ASTN2: variants seen among roughly 807,000 people sequenced by gnomAD.
ASTN2 encodes astrotactin 2, also known as astrotactin-2.
A neutral mutation model predicts 139.8 loss-of-function variants in ASTN2; 54 were observed. That is an observed-to-expected ratio of 0.39 (90% CI 0.31 to 0.48). The LOEUF is 0.48. Among genes scored for constraint, ASTN2 ranks in the 20% least tolerant of loss-of-function variants. The probability of loss-of-function intolerance (pLI) is 0.95; values close to 1 mark genes in which losing one functional copy is unlikely to be tolerated. For synonymous variants in ASTN2, 756 were observed against 719.5 expected, an observed-to-expected ratio of 1.05 and a Z score of -0.81; for missense variants, 1,565 against 1,725.1, an observed-to-expected ratio of 0.91 and a Z score of 1.64.
At chr9:116,618,542 G>T in intron 18 of ASTN2, 70 bp from the exon 19 acceptor site, 1 of 1,494,932 alleles carries the variant, frequency 6.7e-7, no homozygotes, top group Non-Finnish European at 9.0e-7. Flanking sequence ...GAATCCGCAT[G>T]TGTCAAGATG....
chr9:116,743,113 T>G (rs1829137794), intron 13 of ASTN2, among the ~76,000 whole-genome samples: 1 of 151,988 alleles, frequency 6.6e-6, no homozygotes, highest in African/African-American at 2.4e-5. Context: ...GAGGCCAAGT[T>G]AAGGGGTAGG....
At chr9:116,949,042 G>T (rs144826912) in intron 10 of ASTN2, among the ~76,000 whole-genome samples, 2,770 of 152,014 alleles carry the variant, frequency 0.018, 89 homozygotes, top group African/African-American at 0.064. Context: ...GCCCACCTCG[G>T]CCTCCCAAAG....
intron 12 of ASTN2, among the ~76,000 whole-genome samples, chr9:116,818,874 G>A (rs1189789642): frequency 1.3e-5 from 2 of 152,206 alleles, no homozygotes; most frequent in African/African-American, 2.4e-5. Flanking sequence ...TACACAGCAA[G>A]GAGATGTTGA....
intron 1 of ASTN2, among the ~76,000 whole-genome samples, chr9:117,398,097 T>C (rs1830723549): frequency 6.6e-6 from 1 of 152,154 alleles, no homozygotes; most frequent in Non-Finnish European, 1.5e-5. Context: ...TGTGTGTGTG[T>C]GCATCTTTAT....
intron 5 of ASTN2, among the ~76,000 whole-genome samples, chr9:117,084,162 T>A (rs1285624631): frequency 6.6e-6 from 1 of 152,190 alleles, no homozygotes. Flanking sequence ...TTCTCTAATG[T>A]CTCGTTAAAT....
At chr9:116,687,865 C>T (rs1045742633) in intron 16 of ASTN2, among the ~76,000 whole-genome samples, 1 of 151,710 alleles carries the variant, frequency 6.6e-6, no homozygotes, top group Admixed American at 6.6e-5. Context: ...CTAGGGCGAT[C>T]CTAAGTGCTA....
chr9:117,165,664 C>A (rs1830654835), intron 3 of ASTN2, among the ~76,000 whole-genome samples: 1 of 152,112 alleles, frequency 6.6e-6, no homozygotes, highest in Non-Finnish European at 1.5e-5. Flanking sequence ...CTTAGCCCAG[C>A]ACCCAGCACA....
At chr9:117,110,309 T>C (rs992069502) in intron 4 of ASTN2, among the ~76,000 whole-genome samples, 1 of 152,110 alleles carries the variant, frequency 6.6e-6, no homozygotes, top group Non-Finnish European at 1.5e-5. Context: ...GAATTCACCA[T>C]AAGGGACCCA....
chr9:116,682,807 A>T (rs1270400913), intron 16 of ASTN2, among the ~76,000 whole-genome samples: 1 of 151,988 alleles, frequency 6.6e-6, no homozygotes, highest in Non-Finnish European at 1.5e-5. Context: ...ATTCTCACTC[A>T]TAGGTGGGAA....
chr9:117,083,873 T>G (rs967931272), intron 5 of ASTN2, among the ~76,000 whole-genome samples: 4 of 151,618 alleles, frequency 2.6e-5, no homozygotes, highest in African/African-American at 9.7e-5. Flanking sequence ...GGAAGAGGAG[T>G]ACAGAGAACA....
intron 17 of ASTN2, among the ~76,000 whole-genome samples, chr9:116,621,449 A>G (rs1856148249): frequency 6.6e-6 from 1 of 151,870 alleles, no homozygotes; most frequent in Non-Finnish European, 1.5e-5. Flanking sequence ...ACGCACACAC[A>G]CACACACACA....
chr9:117,001,331 T>C (rs1837185652), intron 7 of ASTN2, among the ~76,000 whole-genome samples: 2 of 152,196 alleles, frequency 1.3e-5, no homozygotes, highest in South Asian at 4.1e-4. Context: ...CTTCAGGGTT[T>C]AGTTTTTCCA....
chr9:116,970,597 A>T lies in ASTN2; in HGVS notation c.1889+4611T>A, dbSNP rs1277955517. Reference sequence around the variant, plus strand: ...ATCTTTGTCTTATTTTTATATCTCTATTACTTAGTTTAAAATATGGTAGGT... The same window carrying T: ...ATCTTTGTCTTATTTTTATATCTCTTTTACTTAGTTTAAAATATGGTAGGT... On this transcript the variant is annotated intron_variant, in intron 10 of 22. Transcript: ENST00000313400. Among the ~76,000 whole-genome samples the T allele has an allele frequency of 5.3e-5, 8 of 152,094 alleles. No homozygotes were observed. The East Asian group carries it at 1.5e-3, about 29-fold the overall frequency.
At chr9:116,844,756 G>T (rs914881016) in intron 11 of ASTN2, among the ~76,000 whole-genome samples, 1 of 152,108 alleles carries the variant, frequency 6.6e-6, no homozygotes, top group African/African-American at 2.4e-5. Flanking sequence ...TAAAATGTCT[G>T]GTTGTATTGC....
intron 11 of ASTN2, among the ~76,000 whole-genome samples, chr9:116,825,442 G>A (rs1205780729): frequency 1.3e-5 from 2 of 152,182 alleles, no homozygotes; most frequent in Non-Finnish European, 2.9e-5. Flanking sequence ...AGAAAAACTA[G>A]CCTAGTTGGG....
chr9:116,672,526 A>G (rs1408179528), intron 16 of ASTN2, among the ~76,000 whole-genome samples: 4 of 152,364 alleles, frequency 2.6e-5, no homozygotes, highest in East Asian at 3.9e-4. Context: ...TGTTGAGAAT[A>G]GTAATAACAA....
chr9:116,535,189 C>T (rs1391588614), intron 19 of ASTN2, among the ~76,000 whole-genome samples: 1 of 152,108 alleles, frequency 6.6e-6, no homozygotes, highest in East Asian at 1.9e-4. Flanking sequence ...GCAACCTCTG[C>T]CTTTTTGTAT....
intron 19 of ASTN2, among the ~76,000 whole-genome samples, chr9:116,506,459 C>CCCA: frequency 6.6e-6 from 1 of 151,900 alleles, no homozygotes; most frequent in Non-Finnish European, 1.5e-5. Flanking sequence ...GGGATTTTAC[C>CCCA]TCTTAGGCGG....
intron 19 of ASTN2, among the ~76,000 whole-genome samples, chr9:116,534,780 A>G (rs536350564): frequency 6.6e-6 from 1 of 152,312 alleles, no homozygotes; most frequent in East Asian, 1.9e-4. Flanking sequence ...TTTACTTCCA[A>G]CTATGTGGTC....
Sources: gnomAD v4.1 joint callset for allele counts (sites outside exome capture counted in the v4.1 genomes callset) on GRCh38, gnomAD v4.1.1 for gene constraint, MANE v1.5 for transcripts, NCBI Gene and HGNC (gene_info 2026-07-23, HGNC 2026-07-21) for gene names.